SLC7A5: variants seen among roughly 807,000 people sequenced by gnomAD.
The protein encoded by SLC7A5 is large neutral amino acids transporter small subunit 1.
Under a neutral mutation model 50.2 loss-of-function variants are expected in SLC7A5, and 23 were observed. The observed-to-expected ratio is 0.46, with a 90% CI of 0.33 to 0.65. The LOEUF (loss-of-function observed/expected upper bound fraction) is 0.65. Ranked by LOEUF, SLC7A5 falls within the 30% of genes least tolerant of loss-of-function variation. SLC7A5 has a pLI of 0.02. For synonymous variants in SLC7A5, 393 were observed against 330.6 expected, an observed-to-expected ratio of 1.19 and a Z score of -2.05; for missense variants, 578 against 684.4, an observed-to-expected ratio of 0.84 and a Z score of 1.73.
chr16:87,851,625 C>T (rs1028934856), intron 2 of SLC7A5, 99 bp downstream of exon 2: 46 of 1,446,482 alleles, frequency 3.2e-5, no homozygotes, highest in Middle Eastern at 2.2e-4. Context: ...TGCAGAGCTG[C>T]GGACTGGGAG....
chr16:87,848,209 AC>A (rs1196400105), intron 2 of SLC7A5, among the ~76,000 whole-genome samples: 1 of 152,232 alleles, frequency 6.6e-6, no homozygotes, highest in Non-Finnish European at 1.5e-5. Context: ...TTTTTATGCA[AC>A]CTTTTTTTTA....
At chr16:87,868,040 C>T (rs1334717934) in intron 1 of SLC7A5, among the ~76,000 whole-genome samples, 1 of 149,890 alleles carries the variant, frequency 6.7e-6, no homozygotes, top group Non-Finnish European at 1.5e-5. Flanking sequence ...TGGCATGAAC[C>T]TGGGAGGCGG....
chr16:87,867,723 G>T (rs577235773), intron 1 of SLC7A5, among the ~76,000 whole-genome samples: 18 of 152,136 alleles, frequency 1.2e-4, no homozygotes, highest in African/African-American at 1.7e-4. Context: ...CCATGCCATG[G>T]GATGAATCTG....
rs192943676 is a variant in SLC7A5, at chr16:87,861,455, G to A, written c.538+7430C>T. On this transcript the variant is annotated intron_variant, in intron 1 of 9. Coordinates refer to ENST00000261622, the MANE Select transcript of SLC7A5 (RefSeq NM_003486.7). The surrounding 1 kb of genome is among the most constrained non-coding windows in gnomAD (Gnocchi z 4.2). ...TGCCTGATGACAAATGGTGGCCTCA[G>A]TGTAGAGGTGGGCACTGTGGCCCCT... 6.6e-6 allele frequency among the ~76,000 whole-genome samples: 1 copy of A among 152,184 alleles called. No individual in the cohort carries two copies.
intron 1 of SLC7A5, among the ~76,000 whole-genome samples, chr16:87,857,108 G>A (rs982795196): frequency 5.3e-5 from 8 of 152,228 alleles, no homozygotes; most frequent in African/African-American, 1.9e-4. Flanking sequence ...TGCCCATGCC[G>A]GCTCCAGATC....
chr16:87,865,224 TACTC>T (rs951699534), intron 1 of SLC7A5, among the ~76,000 whole-genome samples: 22 of 151,850 alleles, frequency 1.4e-4, no homozygotes, highest in Admixed American at 2.6e-4. Flanking sequence ...CATACACACA[TACTC>T]ACCACACACA....
chr16:87,841,112 G>C lies in SLC7A5; in HGVS notation c.708C>G (p.Thr236=), dbSNP rs1298950919. 1.2e-6 allele frequency: 2 copies of C among 1,613,804 alleles called. No homozygotes were observed. The highest frequency in any genetic ancestry group is 1.7e-6 in the Non-Finnish European group (2 of 1,179,918). ...GCACAATGTTCCCCACATCCAGTTT[G>C]GTGCCTTCAAATGAGAAGTTGGGAT... is the stretch of plus-strand genomic sequence containing the variant. ...NLDPNFSFEG[T]KLDVGNIVLA... Residue 236 remains threonine (T), a synonymous_variant, in exon 3 of 10, where the codon ACC becomes ACG. Coordinates refer to ENST00000261622, the MANE Select transcript of SLC7A5 (RefSeq NM_003486.7). This position sits in a 1 kb window ranked among gnomAD's most constrained non-coding sequence, Gnocchi z 4.8.
intron 4 of SLC7A5, 34 bp downstream of exon 4, chr16:87,840,395 G>GA: frequency 6.3e-7 from 1 of 1,581,918 alleles, no homozygotes; most frequent in South Asian, 1.1e-5. Context: ...TTAAAATAAT[G>GA]AAAAAAGACG....
intron 4 of SLC7A5, 123 bp downstream of exon 4, chr16:87,840,306 C>A (rs2055066667): frequency 3.4e-6 from 3 of 874,472 alleles, no homozygotes; most frequent in Non-Finnish European, 3.8e-6. Context: ...CCCCAGAGGC[C>A]CCAATCACGG....
At chr16:87,854,513 T>C (rs7200918) in intron 1 of SLC7A5, among the ~76,000 whole-genome samples, 64,812 of 152,174 alleles carry the variant, frequency 0.43, 14,723 homozygotes, top group East Asian at 0.79. Flanking sequence ...CTGCTGGCAC[T>C]TGCCCTCTCC....
intron 3 of SLC7A5, 67 bp from the exon 4 acceptor site, chr16:87,840,540 G>A (rs2055070487): frequency 7.4e-7 from 1 of 1,356,024 alleles, no homozygotes; most frequent in South Asian, 1.2e-5. Context: ...ACCGGGGAGA[G>A]AGCATCCCAG....
chr16:87,839,725 G>T lies in SLC7A5; in HGVS notation c.916C>A (p.Leu306Met). ...YFTTLSTEQMLSSEAVAVDFG... is the reference protein window; with the variant it reads ...YFTTLSTEQMMSSEAVAVDFG... ...ACCACGGCCACGGCCTCGGACGACA[G>T]CATCTGCTCGGTGGACAGGGTGGTG... The change falls in exon 5 of 10, where the codon CTG (leucine) becomes ATG (methionine). Residue 306 changes from leucine (L) to methionine (M), a missense_variant. Around this residue, in one of 2 missense-constraint regions of SLC7A5, gnomAD observed 465 missense variants for 594.6 expected, o/e 0.78. Transcript: ENST00000261622. The T allele has an allele frequency of 1.9e-6, 3 of 1,613,736 alleles. No homozygotes were observed. Among genetic ancestry groups the T allele is most frequent in the Non-Finnish European group, 2.5e-6 (3 of 1,179,974 alleles).
chr16:87,837,583 G>A (rs1043109946), intron 7 of SLC7A5: 5 of 491,800 alleles, frequency 1.0e-5, no homozygotes, highest in Middle Eastern at 5.7e-4. Context: ...GCGGCTGGCA[G>A]AGCAGCACCC....
Position 87,851,792 on chromosome 16 carries a change from G to T in SLC7A5, c.596C>A (p.Ala199Asp), listed in dbSNP as rs765518481. The stretch of plus-strand genomic sequence containing the variant: ...GGCCAGGAGCTTGGCGGCGGCAAAG[G>T]CATCCTGGACCCGGGTGGCGGCCTT... ...SVKAATRVQD[A>D]FAAAKLLALA... The change falls in exon 2 of 10, where the codon GCC becomes GAC. Residue 199 changes from alanine (A) to aspartate (D), a missense_variant. Ala to Asp is a moderately radical substitution (Grantham distance 126). Transcript: ENST00000261622. 5 of 1,613,134 alleles carry T rather than the reference G, an allele frequency of 3.1e-6. No individual in the cohort carries two copies. The highest frequency in any genetic ancestry group is 4.2e-6 in the Non-Finnish European group (5 of 1,179,950).
In SLC7A5 at chr16:87,862,080, C is replaced by A. The variant is rs543749264; in HGVS notation, c.538+6805G>T. Among the ~76,000 whole-genome samples the A allele has an allele frequency of 2.6e-5, 4 of 152,260 alleles. 1 individual carries two copies. Among genetic ancestry groups the A allele is most frequent in the South Asian group, 4.1e-4 (2 of 4,826 alleles). ...GGGGTGCAGGGATCCCAAAACCCAA[C>A]CCGGGGCCAGGTTTTACACAGGCCT... On this transcript the variant is annotated intron_variant, in intron 1 of 9. Transcript: ENST00000261622. The surrounding 1 kb of genome is among the most constrained non-coding windows in gnomAD (Gnocchi z 5.3).
chr16:87,860,057 G>A lies in SLC7A5; in HGVS notation c.539-8208C>T, dbSNP rs2143819733. Among the ~76,000 whole-genome samples, 1 of 152,108 alleles carries A rather than the reference G, an allele frequency of 6.6e-6. No individual in the cohort carries two copies. The highest frequency in any genetic ancestry group is 3.4e-3 in the Middle Eastern group (1 of 294). Reference sequence around the variant, plus strand: ...TGTGAATCAGAAAATCTTTTGCCAGGCACGGTGGCTCACACCTGTAATCCC... The same window carrying A: ...TGTGAATCAGAAAATCTTTTGCCAGACACGGTGGCTCACACCTGTAATCCC... On this transcript the variant is annotated intron_variant, in intron 1 of 9. Coordinates refer to ENST00000261622, the MANE Select transcript of SLC7A5 (RefSeq NM_003486.7). The surrounding 1 kb of genome is among the most constrained non-coding windows in gnomAD (Gnocchi z 4.8).
intron 5 of SLC7A5, among the ~76,000 whole-genome samples, chr16:87,839,314 G>A (rs1743006573): frequency 6.6e-6 from 1 of 152,220 alleles, no homozygotes; most frequent in Non-Finnish European, 1.5e-5. Context: ...CGCCTGCCAA[G>A]CCAGCAGCAG....
At position 87,860,387 on chromosome 16, in the gene SLC7A5, CACACACACACACATAT is replaced by C. The variant is rs1567501341; in HGVS notation, c.538+8482_538+8497del. Among the ~76,000 whole-genome samples, 9 of 123,106 alleles carry C rather than the reference CACACACACACACATAT, an allele frequency of 7.3e-5. 1 individual carries two copies. The highest frequency in any genetic ancestry group is 2.6e-4 in the African/African-American group (8 of 30,598). 80.8% of individuals were successfully genotyped at this position (123,106 alleles called of 152,430 possible). A position where few individuals can be genotyped will look rare whatever the true frequency, so the allele number is the denominator to read the frequency against. On this transcript the variant is annotated intron_variant, in intron 1 of 9. Coordinates refer to ENST00000261622, the MANE Select transcript of SLC7A5 (RefSeq NM_003486.7). The surrounding 1 kb of genome is among the most constrained non-coding windows in gnomAD (Gnocchi z 4.8). ...ACACACACACACACACACACACACA[CACACACACACACATAT>C]ATATATAAAGAAAAAGGAAATCTTC...
chr16:87,831,999 C>G lies in SLC7A5; in HGVS notation c.*971G>C, dbSNP rs1319233566. ...GGAACCCAGCACCGGCCAGAAGGGG[C>G]TGCCGGGCGGTACAGAGGCCAATGC... On this transcript the variant is annotated 3_prime_UTR_variant, in exon 10 of 10. Transcript: ENST00000261622. 6.5e-6 allele frequency: 1 copy of G among 152,818 alleles called. No homozygotes were observed. Among genetic ancestry groups the G allele is most frequent in the Non-Finnish European group, 1.5e-5 (1 of 68,512 alleles). 9.5% of individuals were successfully genotyped at this position (152,818 alleles called of 1,614,324 possible).
Sources: gnomAD v4.1 joint callset for allele counts (sites outside exome capture counted in the v4.1 genomes callset) on GRCh38, gnomAD v4.1.1 for gene constraint, gnomAD v4.1.1 regional missense constraint, Gnocchi (gnomAD v3.1) non-coding constraint, MANE v1.5 for transcripts, NCBI Gene and HGNC (gene_info 2026-07-23, HGNC 2026-07-21) for gene names.